The following ZHX3 variants were observed in gnomAD, a reference collection of about 807,000 sequenced individuals.
ZHX3 encodes the protein zinc fingers and homeoboxes 3, also known as zinc fingers and homeoboxes protein 3.
A neutral mutation model predicts 64.5 loss-of-function variants in ZHX3; 20 were observed. The ratio of observed to expected loss-of-function variants is 0.31; its 90% CI spans 0.22 to 0.45. ZHX3 has a LOEUF of 0.45. ZHX3 is among the 20% of genes least tolerant of loss of function. The pLI is 1.00. For missense variants in ZHX3, 1,041 were observed against 1,195.8 expected (o/e 0.87, Z 1.91); for synonymous variants, 423 against 461.6 (o/e 0.92, Z 1.07).
At chr20:41,217,909 A>G (rs1456187501) in intron 2 of ZHX3, among the ~76,000 whole-genome samples, 1 of 152,234 alleles carries the variant, frequency 6.6e-6, no homozygotes, top group African/African-American at 2.4e-5. Flanking sequence ...TAAACAATAC[A>G]TCCACTACCT....
At chr20:41,231,560 A>T (rs984050993) in intron 2 of ZHX3, among the ~76,000 whole-genome samples, 3 of 152,152 alleles carry the variant, frequency 2.0e-5, no homozygotes, top group African/African-American at 7.2e-5. Context: ...ATTCTACCTT[A>T]TAATTTTTTT....
chr20:41,208,321 A>C (rs558432221), intron 2 of ZHX3, among the ~76,000 whole-genome samples: 1 of 152,226 alleles, frequency 6.6e-6, no homozygotes, highest in East Asian at 1.9e-4. Flanking sequence ...AAAAGAGGGA[A>C]TCCTCCCTAA....
Position 41,185,227 on chromosome 20 carries a change from C to T in ZHX3, c.2861-26G>A. On this transcript the variant is annotated intron_variant, in intron 3 of 3. Transcript: ENST00000683867. This position sits in a 1 kb window ranked among gnomAD's most constrained non-coding sequence, Gnocchi z 5.0. ...CTGAGAAGAAAACACATGCCTGTCA[C>T]TCTACGGCAGCTGCCACCACCTGCC... 1 of 1,586,892 alleles carries T rather than the reference C, an allele frequency of 6.3e-7. No homozygotes were observed. The highest frequency in any genetic ancestry group is 1.8e-4 in the Middle Eastern group (1 of 5,688).
At chr20:41,310,632 C>G (rs1408555741) in intron 1 of ZHX3, among the ~76,000 whole-genome samples, 1 of 151,028 alleles carries the variant, frequency 6.6e-6, no homozygotes, top group Non-Finnish European at 1.5e-5. Context: ...TAGCCAGCTT[C>G]TTGAAAGATC....
intron 1 of ZHX3, among the ~76,000 whole-genome samples, chr20:41,291,104 T>C (rs1173514185): frequency 1.3e-5 from 2 of 152,200 alleles, no homozygotes; most frequent in Non-Finnish European, 2.9e-5. Context: ...CCTCAGGTCA[T>C]ACAGCTAGTA....
chr20:41,202,184 T>C lies in ZHX3; in HGVS notation c.2733A>G (p.Ala911=). ...DQGPGTGELT[A]VHKGMGDTYS... is the part of the protein sequence containing the mutation. ...AGGTGTCACCCATCCCTTTGTGAAC[T>C]GCTGTGAGCTCACCAGTACCAGGGC... Residue 911 remains alanine (A), a synonymous_variant, in exon 3 of 4, where the codon GCA becomes GCG. Coordinates refer to ENST00000683867, the MANE Select transcript of ZHX3 (RefSeq NM_001384317.1). The surrounding 1 kb of genome is among the most constrained non-coding windows in gnomAD (Gnocchi z 7.0). 6.2e-7 allele frequency: 1 copy of C among 1,614,180 alleles called. No individual in the cohort carries two copies. The highest frequency in any genetic ancestry group is 8.5e-7 in the Non-Finnish European group (1 of 1,180,010).
At chr20:41,308,692 TC>T (rs2045047181) in intron 1 of ZHX3, among the ~76,000 whole-genome samples, 1 of 152,228 alleles carries the variant, frequency 6.6e-6, no homozygotes, top group Non-Finnish European at 1.5e-5. Context: ...TTTGCAGGAT[TC>T]CTCTCCTTGT....
intron 1 of ZHX3, among the ~76,000 whole-genome samples, chr20:41,297,606 G>A (rs1415057985): frequency 1.3e-5 from 2 of 152,122 alleles, no homozygotes; most frequent in Non-Finnish European, 2.9e-5. Flanking sequence ...TGTTAGCCTC[G>A]GATGGAGTGG....
chr20:41,270,773 C>T (rs2043106400), intron 1 of ZHX3, among the ~76,000 whole-genome samples: 1 of 152,130 alleles, frequency 6.6e-6, no homozygotes, highest in African/African-American at 2.4e-5. Flanking sequence ...TCTCATCCAT[C>T]TATTTCACTT....
chr20:41,224,898 C>T lies in ZHX3; in HGVS notation c.-150-19832G>A, dbSNP rs149630466. 6.6e-6 allele frequency among the ~76,000 whole-genome samples: 1 copy of T among 152,356 alleles called. No individual in the cohort carries two copies. Among genetic ancestry groups the T allele is most frequent in the East Asian group, 1.9e-4 (1 of 5,190 alleles). The stretch of plus-strand genomic sequence containing the variant: ...AGCATCCTAATTGTTTCTTTCATAA[C>T]ATTTATCAAAATTTGTCTGGATCTT... On this transcript the variant is annotated intron_variant, in intron 2 of 3. Coordinates refer to ENST00000683867, the MANE Select transcript of ZHX3 (RefSeq NM_001384317.1). The surrounding 1 kb of genome is among the most constrained non-coding windows in gnomAD (Gnocchi z 5.2).
chr20:41,196,418 ATATATATTT>A, intron 3 of ZHX3, among the ~76,000 whole-genome samples: 1 of 65,528 alleles, frequency 1.5e-5, no homozygotes, highest in Non-Finnish European at 2.6e-5. Flanking sequence ...ATTATATATA[ATATATATTT>A]ATATAAATAT....
intron 3 of ZHX3, among the ~76,000 whole-genome samples, chr20:41,197,558 T>C (rs1306527801): frequency 6.6e-6 from 1 of 151,806 alleles, no homozygotes; most frequent in Non-Finnish European, 1.5e-5. Flanking sequence ...CTTGTGTCCT[T>C]ATATCTAACA....
At position 41,202,749 on chromosome 20, in the gene ZHX3, C is replaced by G. The variant is rs1258065150; in HGVS notation, c.2168G>C (p.Ser723Thr). ...GTTCTTCAGGTTGATTTTAATGGGGCTGACTTTGCGCTCTGCCAAGATATG... is the reference window on the plus strand; with the variant it reads ...GTTCTTCAGGTTGATTTTAATGGGGGTGACTTTGCGCTCTGCCAAGATATG... ...SSHILAERKV[S>T]PIKINLKNLR... The change falls in exon 3 of 4, where the codon AGC becomes ACC. Residue 723 changes from serine to threonine, a missense_variant. Transcript: ENST00000683867. The surrounding 1 kb of genome is among the most constrained non-coding windows in gnomAD (Gnocchi z 7.0). 6.2e-7 allele frequency: 1 copy of G among 1,613,996 alleles called. No individual in the cohort carries two copies. Among genetic ancestry groups the G allele is most frequent in the Non-Finnish European group, 8.5e-7 (1 of 1,180,020 alleles).
intron 2 of ZHX3, among the ~76,000 whole-genome samples, chr20:41,235,186 G>T (rs986545924): frequency 6.6e-6 from 1 of 151,908 alleles, no homozygotes; most frequent in Admixed American, 6.6e-5. Flanking sequence ...TTGGTTCTAT[G>T]GCAAACAACA....
In ZHX3 at chr20:41,204,033, G is replaced by A. The variant is rs759027745; in HGVS notation, c.884C>T (p.Ala295Val). Reference sequence around the variant, plus strand: ...CAGGGGGATCATCACTTTGGGAAGGGCCTTGGCCGTGGGCAGTGGCTGGTG... The same window carrying A: ...CAGGGGGATCATCACTTTGGGAAGGACCTTGGCCGTGGGCAGTGGCTGGTG... ...HVHQPLPTAK[A>V]LPKVMIPLSS... Residue 295 changes from alanine (A) to valine (V), a missense_variant, in exon 3 of 4, where the codon GCC becomes GTC. This residue lies in a region of ZHX3 where 358 missense variants were observed against 369.1 expected (regional missense o/e 0.97). Coordinates refer to ENST00000683867, the MANE Select transcript of ZHX3 (RefSeq NM_001384317.1). The surrounding 1 kb of genome is among the most constrained non-coding windows in gnomAD (Gnocchi z 6.6). 7 of 1,614,034 alleles carry A rather than the reference G, an allele frequency of 4.3e-6. No individual in the cohort carries two copies. In the East Asian group the frequency reaches 1.6e-4, roughly 36 times the overall value.
chr20:41,316,700 C>G (rs546656376), intron 1 of ZHX3, among the ~76,000 whole-genome samples: 1 of 152,220 alleles, frequency 6.6e-6, no homozygotes. Flanking sequence ...CCAGGGCAAT[C>G]ACTGCTCAGA....
Position 41,202,358 on chromosome 20 carries a change from A to G in ZHX3, c.2559T>C (p.Tyr853=). The G allele has an allele frequency of 6.2e-7, 1 of 1,614,166 alleles. No individual in the cohort carries two copies. Among genetic ancestry groups the G allele is most frequent in the Non-Finnish European group, 8.5e-7 (1 of 1,180,024 alleles). The change falls in exon 3 of 4, where the codon TAT becomes TAC. Residue 853 remains tyrosine (Y), a synonymous_variant. Coordinates refer to ENST00000683867, the MANE Select transcript of ZHX3 (RefSeq NM_001384317.1). The surrounding 1 kb of genome is among the most constrained non-coding windows in gnomAD (Gnocchi z 7.0). The stretch of plus-strand genomic sequence containing the variant: ...CATACAGCATCTTGTGTGTCATGTA[A>G]TAGTCCTGCAGGAGCTCCCGGTTGC... The part of the protein sequence containing the change: ...APGNRELLQD[Y]YMTHKMLYEE...
intron 2 of ZHX3, among the ~76,000 whole-genome samples, chr20:41,247,319 G>GT (rs1329673501): frequency 6.6e-6 from 1 of 152,190 alleles, no homozygotes; most frequent in African/African-American, 2.4e-5. Context: ...GCAAGTACTA[G>GT]TCAAGGGTGG....
intron 2 of ZHX3, among the ~76,000 whole-genome samples, chr20:41,247,927 T>C (rs6129779): frequency 0.11 from 16,932 of 152,088 alleles, 1,256 homozygotes; most frequent in South Asian, 0.24. Flanking sequence ...GCCTAGGCCA[T>C]TCCCCTGCTT....
Sources: allele counts gnomAD v4.1 joint callset (sites outside exome capture counted in the v4.1 genomes callset), GRCh38; gene constraint gnomAD v4.1.1; regional missense constraint gnomAD v4.1.1; non-coding constraint Gnocchi (gnomAD v3.1); transcripts MANE v1.5; gene names NCBI Gene and HGNC (gene_info 2026-07-23, HGNC 2026-07-21).